PRKCQ: variants seen among roughly 807,000 people sequenced by gnomAD.
PRKCQ encodes the protein protein kinase C theta.
In PRKCQ, 41 loss-of-function variants were observed where a neutral mutation model predicts 91.2. The ratio of observed to expected loss-of-function variants is 0.45; its 90% CI spans 0.35 to 0.58. The LOEUF (loss-of-function observed/expected upper bound fraction) is 0.58, where lower values mean the gene tolerates loss of function less well. Ranked by LOEUF, PRKCQ falls within the 20% of genes least tolerant of loss-of-function variation. The pLI is 0.00. For synonymous variants in PRKCQ, 307 were observed against 316.9 expected, an observed-to-expected ratio of 0.97 and a Z score of 0.33; for missense variants, 673 against 896.5, an observed-to-expected ratio of 0.75 and a Z score of 3.18.
rs151314776 is a variant in PRKCQ, at chr10:6,563,503, A to C, written c.-10+16708T>G. On this transcript the variant is annotated intron_variant, in intron 1 of 17. Coordinates refer to ENST00000263125, the MANE Select transcript of PRKCQ (RefSeq NM_006257.5). ...TGACACATGCCTCGATTTCTCTTAC[A>C]TCGAATCAGATTTTCTGCTTTACTT... Among the ~76,000 whole-genome samples the C allele has an allele frequency of 2.0e-3, 305 of 151,952 alleles. 1 individual carries two copies. The highest frequency in any genetic ancestry group is 6.9e-3 in the African/African-American group (286 of 41,442).
intron 10 of PRKCQ, 29 bp from the exon 11 acceptor site, chr10:6,483,629 G>T: frequency 1.2e-6 from 2 of 1,612,276 alleles, no homozygotes; most frequent in South Asian, 1.1e-5. Flanking sequence ...GGTTAAAAAT[G>T]AACATGGAGT....
intron 1 of PRKCQ, among the ~76,000 whole-genome samples, chr10:6,556,057 A>C (rs1016486223): frequency 6.6e-6 from 1 of 152,158 alleles, no homozygotes; most frequent in Admixed American, 6.5e-5. Flanking sequence ...ATGGTTTAGG[A>C]ATGACCTCTT....
intron 1 of PRKCQ, among the ~76,000 whole-genome samples, chr10:6,570,137 T>A (rs949729662): frequency 6.6e-6 from 1 of 151,942 alleles, no homozygotes; most frequent in African/African-American, 2.4e-5. Flanking sequence ...ACGGCACATC[T>A]GGTTGCAGGA....
At position 6,576,147 on chromosome 10, in the gene PRKCQ, G is replaced by C. The variant is rs1841227894; in HGVS notation, c.-10+4064C>G. Among the ~76,000 whole-genome samples, 1 of 152,122 alleles carries C rather than the reference G, an allele frequency of 6.6e-6. No individual in the cohort carries two copies. Among genetic ancestry groups the C allele is most frequent in the South Asian group, 2.1e-4 (1 of 4,824 alleles). On this transcript the variant is annotated intron_variant, in intron 1 of 17. Coordinates refer to ENST00000263125, the MANE Select transcript of PRKCQ (RefSeq NM_006257.5). This position sits in a 1 kb window ranked among gnomAD's most constrained non-coding sequence, Gnocchi z 4.2. ...TCCAGCCACTGTGGAAAACAATATG[G>C]CAGTTCCTCAAAAAATTAAACATAG...
In PRKCQ at chr10:6,430,894, G is replaced by A. The variant is rs982621092; in HGVS notation, c.1881C>T (p.Asp627=). The A allele has an allele frequency of 4.3e-6, 7 of 1,614,190 alleles. No homozygotes were observed. The highest frequency in any genetic ancestry group is 5.9e-6 in the Non-Finnish European group (7 of 1,180,026). ...CCCGAAACAAAGGGTGCTGGCGGATGTCTCCCCTCACGCCCAGCCTCTTCT... is the reference window on the plus strand; with the variant it reads ...CCCGAAACAAAGGGTGCTGGCGGATATCTCCCCTCACGCCCAGCCTCTTCT... ...EPEKRLGVRG[D]IRQHPLFREI... is the part of the protein sequence containing the mutation. Residue 627 remains aspartate, a synonymous_variant, in exon 17 of 18, where the codon GAC becomes GAT. Transcript: ENST00000263125. This position sits in a 1 kb window ranked among gnomAD's most constrained non-coding sequence, Gnocchi z 4.7.
rs953874784 is a variant in PRKCQ, at chr10:6,536,870, C to T, written c.-9-21726G>A. Among the ~76,000 whole-genome samples the T allele has an allele frequency of 1.2e-4, 18 of 152,300 alleles. No individual in the cohort carries two copies. The South Asian group carries it at 1.9e-3, about 16-fold the overall frequency. On this transcript the variant is annotated intron_variant, in intron 1 of 17. Coordinates refer to ENST00000263125, the MANE Select transcript of PRKCQ (RefSeq NM_006257.5). ...CATCTCCTCCATCTGTGTTTGCTTG[C>T]GAGCTGCAAGAGGAAGGAGAGGCTG...
chr10:6,418,954 AATATC>A, the PRKCQ span, among the ~76,000 whole-genome samples: 1 of 129,250 alleles, frequency 7.7e-6, no homozygotes, highest in South Asian at 2.7e-4. Context: ...TATCTTATCT[AATATC>A]TATCTATCTA....
intron 13 of PRKCQ, among the ~76,000 whole-genome samples, 166 bp downstream of exon 13, chr10:6,464,147 G>A (rs947778772): frequency 2.6e-5 from 4 of 152,080 alleles, no homozygotes; most frequent in Non-Finnish European, 5.9e-5. Context: ...AAACTGACAC[G>A]AATTTCAGTT....
intron 1 of PRKCQ, among the ~76,000 whole-genome samples, chr10:6,545,192 C>T (rs1307894087): frequency 1.3e-5 from 2 of 152,198 alleles, no homozygotes; most frequent in Non-Finnish European, 2.9e-5. Context: ...ATTTTTCTTG[C>T]ACCTGGTCTT....
intron 1 of PRKCQ, among the ~76,000 whole-genome samples, chr10:6,556,246 A>G (rs188968764): frequency 4.2e-4 from 64 of 152,248 alleles, no homozygotes; most frequent in Non-Finnish European, 5.3e-4. Flanking sequence ...CCTGGGCAAC[A>G]TAGCAAAACT....
intron 4 of PRKCQ, among the ~76,000 whole-genome samples, chr10:6,504,414 A>T (rs912899653): frequency 6.6e-6 from 1 of 152,166 alleles, no homozygotes; most frequent in African/African-American, 2.4e-5. Flanking sequence ...CTGCTGGTCT[A>T]CCTAGGCTGT....
chr10:6,543,786 C>A (rs866565178), intron 1 of PRKCQ, among the ~76,000 whole-genome samples: 1 of 152,296 alleles, frequency 6.6e-6, no homozygotes, highest in South Asian at 2.1e-4. Flanking sequence ...ACTGGGGGGT[C>A]GGCTGTACTC....
chr10:6,464,470 G>C (rs1835528601), intron 12 of PRKCQ, 66 bp from the exon 13 acceptor site: 1 of 1,398,406 alleles, frequency 7.2e-7, no homozygotes, highest in Non-Finnish European at 1.0e-6. Flanking sequence ...TTTTGTCCAA[G>C]ACAGGGTCTC....
At chr10:6,450,048 A>G (rs1348259589) in intron 15 of PRKCQ, among the ~76,000 whole-genome samples, 10 of 150,258 alleles carry the variant, frequency 6.7e-5, no homozygotes, top group Non-Finnish European at 1.5e-5. Flanking sequence ...TAACCAGCTA[A>G]CATCATAATG....
intron 1 of PRKCQ, among the ~76,000 whole-genome samples, chr10:6,572,820 A>G (rs1013803750): frequency 1.3e-5 from 2 of 152,072 alleles, no homozygotes; most frequent in African/African-American, 4.8e-5. Flanking sequence ...CATCTTCCAC[A>G]ATGGTTGGAC....
At chr10:6,519,773 T>C (rs1316467710) in intron 1 of PRKCQ, among the ~76,000 whole-genome samples, 1 of 152,160 alleles carries the variant, frequency 6.6e-6, no homozygotes, top group Non-Finnish European at 1.5e-5. Flanking sequence ...TGGACATATG[T>C]TTACCCCTGG....
At chr10:6,485,010 A>C (rs1310545084) in intron 10 of PRKCQ, 142 bp downstream of exon 10, 1 of 701,250 alleles carries the variant, frequency 1.4e-6, no homozygotes, top group Non-Finnish European at 2.4e-6. Context: ...CTTTTCTAAG[A>C]AGTGGGAGCC....
intron 1 of PRKCQ, among the ~76,000 whole-genome samples, chr10:6,533,734 A>T (rs1433673821): frequency 1.3e-5 from 2 of 152,252 alleles, no homozygotes; most frequent in Non-Finnish European, 2.9e-5. Flanking sequence ...ATCCAATTAC[A>T]TATAAAAGTT....
chr10:6,505,530 CTTTTTCTTTCTTTTCTTCT>C (rs1409671856), intron 4 of PRKCQ, among the ~76,000 whole-genome samples: 1 of 140,162 alleles, frequency 7.1e-6, no homozygotes, highest in Non-Finnish European at 1.6e-5. Flanking sequence ...TTCTTTCTTT[CTTTTTCTTTCTTTTCTTCT>C]TTCTTTCTTT....
Sources: allele counts gnomAD v4.1 joint callset (sites outside exome capture counted in the v4.1 genomes callset), GRCh38; gene constraint gnomAD v4.1.1; non-coding constraint Gnocchi (gnomAD v3.1); transcripts MANE v1.5; gene names NCBI Gene and HGNC (gene_info 2026-07-23, HGNC 2026-07-21).